USP3: variants seen among roughly 807,000 people sequenced by gnomAD.
USP3 encodes the protein ubiquitin specific peptidase 3, also known as ubiquitin carboxyl-terminal hydrolase 3.
Under a neutral mutation model 72.3 loss-of-function variants are expected in USP3, and 20 were observed. The observed-to-expected ratio is 0.28, with a 90% CI of 0.19 to 0.40. The LOEUF (loss-of-function observed/expected upper bound fraction) is 0.40, where lower values mean the gene tolerates loss of function less well. USP3 is among the 10% of genes least tolerant of loss of function. The probability of loss-of-function intolerance (pLI) is 1.00; values close to 1 mark genes in which losing one functional copy is unlikely to be tolerated. For synonymous variants in USP3, 222 were observed against 225.3 expected (o/e 0.99, Z 0.13); for missense variants, 479 against 633.9 (o/e 0.76, Z 2.62).
At chr15:63,577,378 G>T (rs1201361188) in intron 11 of USP3, among the ~76,000 whole-genome samples, 1 of 152,236 alleles carries the variant, frequency 6.6e-6, no homozygotes, top group Admixed American at 6.5e-5. Context: ...TGTAGTCCCA[G>T]CACTTTGGAA....
intron 7 of USP3, 58 bp downstream of exon 7, chr15:63,560,028 T>G: frequency 1.4e-6 from 2 of 1,479,020 alleles, no homozygotes; most frequent in Non-Finnish European, 1.9e-6. Flanking sequence ...TTACTTTCAC[T>G]GGTGGTTTCC....
chr15:63,529,997 C>T lies in USP3; in HGVS notation c.92-2650C>T, dbSNP rs150445830. 1.7e-4 allele frequency among the ~76,000 whole-genome samples: 26 copies of T among 152,104 alleles called. No homozygotes were observed. The highest frequency in any genetic ancestry group is 2.9e-4 in the Non-Finnish European group (20 of 67,972). ...AAAGAAAAACAGAAAATTAGCCAGG[C>T]GTGGTGGCAGATGCCTGTAGTCCCT... On this transcript the variant is annotated intron_variant, in intron 1 of 14. Transcript: ENST00000380324. The surrounding 1 kb of genome is among the most constrained non-coding windows in gnomAD (Gnocchi z 4.2).
Position 63,588,173 on chromosome 15 carries a change from T to C in USP3, c.1097-132T>C. On this transcript the variant is annotated intron_variant, in intron 11 of 14. Coordinates refer to ENST00000380324, the MANE Select transcript of USP3 (RefSeq NM_006537.4). The surrounding 1 kb of genome is among the most constrained non-coding windows in gnomAD (Gnocchi z 4.6). Reference sequence around the variant, plus strand: ...ATTATTTTTTGTCTCCAGTTTGCAATTGAGAAAGGTTAACTTTTCTAAGGT... The same window carrying C: ...ATTATTTTTTGTCTCCAGTTTGCAACTGAGAAAGGTTAACTTTTCTAAGGT... 1 of 620,958 alleles carries C rather than the reference T, an allele frequency of 1.6e-6. No individual in the cohort carries two copies. The highest frequency in any genetic ancestry group is 2.7e-6 in the Non-Finnish European group (1 of 369,996). 38.5% of individuals were successfully genotyped at this position (620,958 alleles called of 1,614,324 possible).
Position 63,559,876 on chromosome 15 carries a change from T to C in USP3, c.553T>C (p.Cys185Arg), listed in dbSNP as rs949018800. 4.3e-6 allele frequency: 7 copies of C among 1,613,834 alleles called. No individual in the cohort carries two copies. The highest frequency in any genetic ancestry group is 5.9e-6 in the Non-Finnish European group (7 of 1,179,840). Residue 185 changes from cysteine to arginine, a missense_variant, in exon 7 of 15, where the codon TGT becomes CGT. Cys to Arg is a radical substitution (Grantham distance 180, BLOSUM62 -3). Coordinates refer to ENST00000380324, the MANE Select transcript of USP3 (RefSeq NM_006537.4). ...AAATAGTAACATTGAGCAGTTTTGC[T>C]GTTATTTCAAAGAACTGCCCGCCGT... ...QSLSNIEQFC[C>R]YFKELPAVEL...
intron 1 of USP3, among the ~76,000 whole-genome samples, chr15:63,505,842 A>T (rs1402469560): frequency 1.3e-5 from 2 of 152,176 alleles, no homozygotes; most frequent in African/African-American, 4.8e-5. Flanking sequence ...CACTTCAGAA[A>T]TCTGAAGTTC....
rs538704093 is a variant in USP3, at chr15:63,575,966, G to C, written c.1096+1563G>C. ...AACTGTTCCTCGCTATAAATACATG[G>C]ATATATATCTGAACAATACTTTTTT... is the stretch of plus-strand genomic sequence containing the variant. On this transcript the variant is annotated intron_variant, in intron 11 of 14. Transcript: ENST00000380324. 4.7e-5 allele frequency among the ~76,000 whole-genome samples: 7 copies of C among 150,464 alleles called. 1 individual carries two copies. The highest frequency in any genetic ancestry group is 1.7e-4 in the African/African-American group (7 of 41,054).
chr15:63,533,954 T>C (rs1456054634), intron 2 of USP3: 1 of 942,666 alleles, frequency 1.1e-6, no homozygotes, highest in East Asian at 8.8e-5. Flanking sequence ...TATGTAGTTC[T>C]GTTCTCCAGA....
intron 11 of USP3, among the ~76,000 whole-genome samples, chr15:63,584,102 T>G (rs895696674): frequency 2.2e-3 from 321 of 144,452 alleles, no homozygotes; most frequent in African/African-American, 7.8e-3. Flanking sequence ...GTTTTTTTTT[T>G]TTTTTTTTTT....
chr15:63,575,680 T>C (rs2066852124), intron 11 of USP3, among the ~76,000 whole-genome samples: 1 of 152,214 alleles, frequency 6.6e-6, no homozygotes, highest in South Asian at 2.1e-4. Context: ...GCAAAATATA[T>C]GGCTCTAGTA....
intron 9 of USP3, among the ~76,000 whole-genome samples, chr15:63,573,600 C>T (rs1410667167): frequency 3.9e-5 from 6 of 152,184 alleles, no homozygotes; most frequent in Non-Finnish European, 7.3e-5. Flanking sequence ...AACTCTAAAA[C>T]TATCTCAGAT....
chr15:63,578,421 G>A (rs1476771616), intron 11 of USP3, among the ~76,000 whole-genome samples: 9 of 151,814 alleles, frequency 5.9e-5, no homozygotes, highest in Middle Eastern at 6.8e-3. Context: ...TGGCTAACAC[G>A]GTGAAACCCC....
rs567469213 is a variant in USP3, at chr15:63,570,694, CT to C, written c.908+119del. On this transcript the variant is annotated intron_variant, in intron 9 of 14. Transcript: ENST00000380324. The surrounding 1 kb of genome is among the most constrained non-coding windows in gnomAD (Gnocchi z 4.4). Reference sequence around the variant, plus strand: ...GGGGTTTCTTGGACATTTGCTGGAACTTTTCGTGCCCTTGAACTTTGTGACC... The same window carrying C: ...GGGGTTTCTTGGACATTTGCTGGAACTTTCGTGCCCTTGAACTTTGTGACC... The C allele has an allele frequency of 2.0e-4, 285 of 1,443,494 alleles. No homozygotes were observed. The highest frequency in any genetic ancestry group is 2.5e-4 in the Non-Finnish European group (272 of 1,078,560). The allele number at this position is 1,443,494 out of a possible 1,614,324, so 89.4% of individuals were successfully genotyped here. A position where few individuals can be genotyped will look rare whatever the true frequency, so the allele number is the denominator to read the frequency against.
At chr15:63,534,941 T>TTTAC (rs1555444764) in intron 2 of USP3, among the ~76,000 whole-genome samples, 58 of 151,640 alleles carry the variant, frequency 3.8e-4, no homozygotes, top group African/African-American at 1.3e-3. Flanking sequence ...TATTTATTTA[T>TTTAC]TTACTTATTG....
chr15:63,558,885 AAATT>A (rs1036489866), intron 6 of USP3, among the ~76,000 whole-genome samples: 18 of 152,202 alleles, frequency 1.2e-4, no homozygotes, highest in Non-Finnish European at 1.0e-4. Flanking sequence ...AAAAATAAAT[AAATT>A]AATTAATTAA....
chr15:63,552,423 A>C (rs1245748591), intron 3 of USP3, among the ~76,000 whole-genome samples: 4 of 152,310 alleles, frequency 2.6e-5, no homozygotes, highest in South Asian at 4.1e-4. Flanking sequence ...TATAGGACCA[A>C]TGAAGAATTT....
intron 1 of USP3, among the ~76,000 whole-genome samples, chr15:63,511,180 C>T (rs1257257298): frequency 1.4e-5 from 2 of 138,756 alleles, no homozygotes; most frequent in Non-Finnish European, 3.0e-5. Context: ...ACAAAGGTTA[C>T]GAGTTGCCCA....
chr15:63,511,902 G>T (rs1300577504), intron 1 of USP3, among the ~76,000 whole-genome samples: 1 of 147,118 alleles, frequency 6.8e-6, no homozygotes, highest in East Asian at 2.0e-4. Flanking sequence ...TGTATTTCCT[G>T]TAAAAGTTAT....
In USP3 at chr15:63,578,878, T is replaced by C. The variant is rs540777754; in HGVS notation, c.1096+4475T>C. Among the ~76,000 whole-genome samples, 103 of 152,242 alleles carry C rather than the reference T, an allele frequency of 6.8e-4. 1 individual carries two copies. Among genetic ancestry groups the C allele is most frequent in the African/African-American group, 2.4e-3 (100 of 41,554 alleles). ...GCAGATTGATTATATACCTAGAACA[T>C]TTCAGGATAATCAGTTGGAAAATTA... On this transcript the variant is annotated intron_variant, in intron 11 of 14. Transcript: ENST00000380324.
In USP3 at chr15:63,574,279, A is replaced by G. The variant is rs369782604; in HGVS notation, c.1016-44A>G. Reference sequence around the variant, plus strand: ...TTGTGAAATTATTTTGAATGGACATATATGCCTTTAACAGCTCTCTGTTTA... The same window carrying G: ...TTGTGAAATTATTTTGAATGGACATGTATGCCTTTAACAGCTCTCTGTTTA... On this transcript the variant is annotated intron_variant, in intron 10 of 14. Coordinates refer to ENST00000380324, the MANE Select transcript of USP3 (RefSeq NM_006537.4). The surrounding 1 kb of genome is among the most constrained non-coding windows in gnomAD (Gnocchi z 4.6). The G allele has an allele frequency of 4.7e-5, 72 of 1,520,538 alleles. No individual in the cohort carries two copies. Among genetic ancestry groups the G allele is most frequent in the Non-Finnish European group, 6.1e-5 (69 of 1,130,270 alleles). 94.2% of individuals were successfully genotyped at this position (1,520,538 alleles called of 1,614,324 possible).
Sources: gnomAD v4.1 joint callset for allele counts (sites outside exome capture counted in the v4.1 genomes callset) on GRCh38, gnomAD v4.1.1 for gene constraint, Gnocchi (gnomAD v3.1) non-coding constraint, MANE v1.5 for transcripts, NCBI Gene and HGNC (gene_info 2026-07-23, HGNC 2026-07-21) for gene names.